NDC1: variants seen among roughly 807,000 people sequenced by gnomAD.
The protein encoded by NDC1 is NDC1 transmembrane nucleoporin, also known as nucleoporin NDC1.
NDC1 carries 24 observed loss-of-function variants against 89.8 expected under a neutral mutation model. That is an observed-to-expected ratio of 0.27 (90% confidence interval 0.19 to 0.38). The LOEUF (loss-of-function observed/expected upper bound fraction) is 0.38. NDC1 is among the 10% of genes least tolerant of loss of function. The pLI is 1.00. For synonymous variants in NDC1, 296 were observed against 284.8 expected (o/e 1.04, Z -0.39); for missense variants, 728 against 797.6 (o/e 0.91, Z 1.05).
chr1:53,832,028 AT>A (rs1649084365), intron 3 of NDC1, among the ~76,000 whole-genome samples: 2 of 152,266 alleles, frequency 1.3e-5, no homozygotes, highest in Admixed American at 6.5e-5. Context: ...AAAGGTCTAA[AT>A]TTTTTTATTG....
intron 16 of NDC1, among the ~76,000 whole-genome samples, chr1:53,776,520 G>A (rs1382924336): frequency 6.6e-6 from 1 of 152,092 alleles, no homozygotes; most frequent in African/African-American, 2.4e-5. Context: ...TAAATAAACT[G>A]TACTATTAAT....
At chr1:53,786,363 C>T (rs1016143004) in intron 16 of NDC1, among the ~76,000 whole-genome samples, 1 of 152,194 alleles carries the variant, frequency 6.6e-6, no homozygotes, top group Non-Finnish European at 1.5e-5. Context: ...AAGCAGAAAG[C>T]ATGTGTTTTA....
rs71637818 is a variant in NDC1 at position 53,767,838 on chromosome 1, T to C, written c.*132A>G. 14,816 of 459,550 alleles carry C rather than the reference T, an allele frequency of 0.032. 340 individuals carry two copies. The highest frequency in any genetic ancestry group is 0.044 in the Non-Finnish European group (11,633 of 261,586). The allele number at this position is 459,550 out of a possible 1,614,324, so 28.5% of individuals were successfully genotyped here. On this transcript the variant is annotated 3_prime_UTR_variant, in exon 18 of 18. Transcript: ENST00000371429. ...CATGATTTCTCCCATTAAAGTATAG[T>C]TTTCAAAGCAACCACCACGACAAAG...
intron 1 of NDC1, among the ~76,000 whole-genome samples, chr1:53,837,172 G>GA (rs1268634571): frequency 6.6e-6 from 1 of 152,208 alleles, no homozygotes; most frequent in Middle Eastern, 3.2e-3. Flanking sequence ...GCATGCACCT[G>GA]ATGTCCCAAA....
Position 53,809,741 on chromosome 1 carries a change from T to A in NDC1, c.709A>T (p.Ile237Phe). 1 of 1,612,550 alleles carries A rather than the reference T, an allele frequency of 6.2e-7. No homozygotes were observed. Among genetic ancestry groups the A allele is most frequent in the Non-Finnish European group, 8.5e-7 (1 of 1,178,782 alleles). ...FCILYYFLGY[I>F]PKAWISTAMN... Reference sequence around the variant, plus strand: ...GCAGTGCTAATCCAAGCTTTGGGAATATAGCCTGAAGGGAAAAAATACCAA... The same window carrying A: ...GCAGTGCTAATCCAAGCTTTGGGAAAATAGCCTGAAGGGAAAAAATACCAA... Residue 237 changes from isoleucine to phenylalanine, a missense_variant, in exon 7 of 18, where the codon ATT (isoleucine) becomes TTT (phenylalanine). Coordinates refer to ENST00000371429, the MANE Select transcript of NDC1 (RefSeq NM_018087.5).
intron 3 of NDC1, among the ~76,000 whole-genome samples, chr1:53,831,992 G>A (rs1649083549): frequency 6.6e-6 from 1 of 151,896 alleles, no homozygotes; most frequent in South Asian, 2.1e-4. Flanking sequence ...CTAAATCACA[G>A]CTTTAATACT....
intron 3 of NDC1, among the ~76,000 whole-genome samples, chr1:53,830,150 C>CA (rs932944193): frequency 4.9e-5 from 7 of 141,626 alleles, no homozygotes; most frequent in South Asian, 2.3e-4. Flanking sequence ...GACTCCATCT[C>CA]AAAAAAAAAG....
rs1490811664 is a variant in NDC1 at position 53,821,580 on chromosome 1, T to TA, written c.595-2502dup. Among the ~76,000 whole-genome samples, 3 of 152,330 alleles carry TA rather than the reference T, an allele frequency of 2.0e-5. No homozygotes were observed. In the East Asian group the frequency reaches 5.8e-4, roughly 29 times the overall value. On this transcript the variant is annotated intron_variant, in intron 5 of 17. Transcript: ENST00000371429. ...ACTATTCTGTGTAGCCACTGGGTGC[T>TA]ACCACCACCACACACCTGCCCCAAT...
At chr1:53,820,455 G>A (rs1157012380) in intron 5 of NDC1, among the ~76,000 whole-genome samples, 1 of 151,850 alleles carries the variant, frequency 6.6e-6, no homozygotes, top group East Asian at 1.9e-4. Context: ...GTTAATGGGT[G>A]CAGCACACCA....
At chr1:53,778,192 C>G (rs753900512) in intron 16 of NDC1, among the ~76,000 whole-genome samples, 2 of 150,700 alleles carry the variant, frequency 1.3e-5, no homozygotes, top group Admixed American at 6.6e-5. Flanking sequence ...ATTAATGTAT[C>G]CGATTAAGGG....
chr1:53,808,313 G>C (rs568543815), intron 7 of NDC1, among the ~76,000 whole-genome samples: 3 of 152,166 alleles, frequency 2.0e-5, no homozygotes, highest in Admixed American at 1.3e-4. Context: ...ACTTTGACTA[G>C]ATCAATTAGC....
chr1:53,775,635 AC>A (rs1429299898), intron 16 of NDC1, among the ~76,000 whole-genome samples: 1 of 152,072 alleles, frequency 6.6e-6, no homozygotes, highest in Non-Finnish European at 1.5e-5. Flanking sequence ...CTTTGACATC[AC>A]CTATTGCCTT....
At chr1:53,834,757 A>T (rs34640823) in intron 2 of NDC1, among the ~76,000 whole-genome samples, 2 of 151,926 alleles carry the variant, frequency 1.3e-5, no homozygotes, top group Non-Finnish European at 1.5e-5. Flanking sequence ...AGTTATTAAC[A>T]GAAAACAAGT....
At chr1:53,788,461 T>C (rs1416855929) in intron 15 of NDC1, among the ~76,000 whole-genome samples, 1 of 151,978 alleles carries the variant, frequency 6.6e-6, no homozygotes, top group Non-Finnish European at 1.5e-5. Context: ...AGTTGCGCTA[T>C]TTGTTACCCA....
At chr1:53,831,662 ACT>A (rs919908487) in intron 3 of NDC1, among the ~76,000 whole-genome samples, 166 of 151,466 alleles carry the variant, frequency 1.1e-3, no homozygotes, top group Admixed American at 1.5e-3. Flanking sequence ...ACAGAGCGAG[ACT>A]CTGTCTCAAA....
At chr1:53,815,389 A>ACAAAATC (rs1315188788) in intron 6 of NDC1, among the ~76,000 whole-genome samples, 1 of 152,228 alleles carries the variant, frequency 6.6e-6, no homozygotes, top group East Asian at 1.9e-4. Context: ...AAAACATTCA[A>ACAAAATC]CAAAATCCAG....
intron 8 of NDC1, among the ~76,000 whole-genome samples, chr1:53,806,980 C>T (rs545824696): frequency 1.1e-4 from 16 of 152,146 alleles, no homozygotes; most frequent in Admixed American, 3.3e-4. Context: ...GGTGGAGTGG[C>T]TCACACCTGT....
chr1:53,821,421 T>A (rs1176495130), intron 5 of NDC1, among the ~76,000 whole-genome samples: 1 of 152,144 alleles, frequency 6.6e-6, no homozygotes, highest in Non-Finnish European at 1.5e-5. Context: ...CCAGCCTAGG[T>A]GACAGAGCGA....
At chr1:53,800,590 G>A (rs182958215) in intron 11 of NDC1, 103 bp downstream of exon 11, 2 of 1,281,930 alleles carry the variant, frequency 1.6e-6, no homozygotes, top group Admixed American at 3.6e-5. Flanking sequence ...CTCCCAAAGT[G>A]CGGGGATAAC....
Sources: allele counts gnomAD v4.1 joint callset (sites outside exome capture counted in the v4.1 genomes callset), GRCh38; gene constraint gnomAD v4.1.1; transcripts MANE v1.5; gene names NCBI Gene and HGNC (gene_info 2026-07-23, HGNC 2026-07-21).